The following PCDH15 variants were observed in gnomAD, a reference collection of about 807,000 sequenced individuals.
PCDH15 encodes the protein protocadherin related 15, also known as protocadherin-15.
In PCDH15, 129 loss-of-function variants were observed where a neutral mutation model predicts 178.5. That is an observed-to-expected ratio of 0.72 (90% CI 0.63 to 0.84). The LOEUF is 0.84. PCDH15 is among the 40% of genes least tolerant of loss of function. The pLI is 0.00. For synonymous variants in PCDH15, 800 were observed against 732.0 expected, an observed-to-expected ratio of 1.09 and a Z score of -1.50; for missense variants, 2,230 against 2,099.9, an observed-to-expected ratio of 1.06 and a Z score of -1.21.
chr10:54,228,026 C>T (rs2053639384), intron 9 of PCDH15, among the ~76,000 whole-genome samples: 2 of 152,140 alleles, frequency 1.3e-5, no homozygotes, highest in Non-Finnish European at 2.9e-5. Context: ...TCGCATCTTC[C>T]TATCTTCTAC....
At chr10:53,860,287 C>G (rs368301025) in intron 27 of PCDH15, among the ~76,000 whole-genome samples, 8 of 152,260 alleles carry the variant, frequency 5.3e-5, no homozygotes, top group African/African-American at 1.7e-4. Flanking sequence ...TGGGAACACA[C>G]AGTCGATTTC....
chr10:55,047,726 C>T (rs553988163), intron 2 of PCDH15, among the ~76,000 whole-genome samples: 1 of 151,572 alleles, frequency 6.6e-6, no homozygotes, highest in South Asian at 2.1e-4. Context: ...CCCCTACTTT[C>T]CAAAAAAATA....
intron 15 of PCDH15, among the ~76,000 whole-genome samples, chr10:54,107,412 T>A (rs1460626065): frequency 4.6e-5 from 7 of 152,222 alleles, no homozygotes; most frequent in African/African-American, 7.2e-5. Context: ...GGGTATGGGC[T>A]GTGGTCTGGT....
intron 3 of PCDH15, among the ~76,000 whole-genome samples, chr10:54,429,958 A>G (rs1253210812): frequency 6.6e-6 from 1 of 152,078 alleles, no homozygotes; most frequent in Non-Finnish European, 1.5e-5. Flanking sequence ...GAGACATTAG[A>G]CATAATCTGC....
intron 19 of PCDH15, among the ~76,000 whole-genome samples, chr10:54,022,276 T>C (rs897133890): frequency 1.3e-5 from 2 of 152,054 alleles, no homozygotes; most frequent in Admixed American, 6.6e-5. Context: ...AGAGGCTTGA[T>C]ACAGAGATGT....
intron 2 of PCDH15, among the ~76,000 whole-genome samples, chr10:54,648,196 T>C (rs1053655519): frequency 1.8e-4 from 27 of 152,258 alleles, no homozygotes; most frequent in African/African-American, 6.3e-4. Flanking sequence ...AGAAGGAATG[T>C]TGTCCAGTGA....
At chr10:54,217,946 T>C (rs75939130) in intron 9 of PCDH15, among the ~76,000 whole-genome samples, 4,388 of 152,222 alleles carry the variant, frequency 0.029, 92 homozygotes, top group Middle Eastern at 0.071. Context: ...AAGCTAAAGA[T>C]AAGACAATTT....
At chr10:55,052,953 T>C (rs1349272514) in intron 2 of PCDH15, among the ~76,000 whole-genome samples, 1 of 152,108 alleles carries the variant, frequency 6.6e-6, no homozygotes, top group African/African-American at 2.4e-5. Context: ...AAGACTGAAA[T>C]TGAACATTTC....
chr10:54,398,801 C>T (rs1280813567), intron 3 of PCDH15, among the ~76,000 whole-genome samples: 1 of 151,944 alleles, frequency 6.6e-6, no homozygotes, highest in Non-Finnish European at 1.5e-5. Context: ...TGCAGACAAC[C>T]AAGTATCCGG....
chr10:55,015,639 T>C (rs1840156068), intron 2 of PCDH15, among the ~76,000 whole-genome samples: 1 of 152,074 alleles, frequency 6.6e-6, no homozygotes, highest in Admixed American at 6.6e-5. Flanking sequence ...TAAAACTGGG[T>C]AATTTATGAA....
Position 54,473,890 on chromosome 10 carries a change from G to A in PCDH15, c.157+53922C>T, listed in dbSNP as rs545365044. Reference sequence around the variant, plus strand: ...TCCAAATTCCATTAGATTTTCTAAAGTATTATATATTTTGTTATTTTTAAA... The same window carrying A: ...TCCAAATTCCATTAGATTTTCTAAAATATTATATATTTTGTTATTTTTAAA... On this transcript the variant is annotated intron_variant, in intron 3 of 37. Coordinates refer to ENST00000644397, the MANE Select transcript of PCDH15 (RefSeq NM_001384140.1). Among the ~76,000 whole-genome samples the A allele has an allele frequency of 1.7e-3, 261 of 151,724 alleles. 2 individuals are homozygous for A. The highest frequency in any genetic ancestry group is 3.8e-3 in the Middle Eastern group (1 of 262).
intron 18 of PCDH15, among the ~76,000 whole-genome samples, chr10:54,062,680 T>C (rs1036362380): frequency 8.6e-5 from 13 of 151,924 alleles, no homozygotes; most frequent in African/African-American, 2.9e-4. Context: ...TGAAATAAAT[T>C]ATAGAGGCCA....
chr10:54,071,766 CA>C, intron 17 of PCDH15, among the ~76,000 whole-genome samples: 1 of 152,034 alleles, frequency 6.6e-6, no homozygotes, highest in East Asian at 1.9e-4. Context: ...GGTAAGGTAA[CA>C]CTATAATTAT....
chr10:53,957,122 C>A (rs556479812), intron 23 of PCDH15, among the ~76,000 whole-genome samples: 1 of 152,140 alleles, frequency 6.6e-6, no homozygotes, highest in Non-Finnish European at 1.5e-5. Context: ...AAACAGTACA[C>A]CACTTAAGTT....
intron 5 of PCDH15, among the ~76,000 whole-genome samples, chr10:54,359,278 A>T (rs1418734293): frequency 6.6e-6 from 1 of 151,962 alleles, no homozygotes; most frequent in African/African-American, 2.4e-5. Flanking sequence ...AAAAAAAAAC[A>T]AAAACTAAAA....
chr10:54,195,099 G>A (rs2049471780), intron 11 of PCDH15, among the ~76,000 whole-genome samples: 1 of 152,066 alleles, frequency 6.6e-6, no homozygotes, highest in African/African-American at 2.4e-5. Context: ...CATTCACTCT[G>A]GCTAAGGAGG....
chr10:55,511,388 A>G (rs1359203823), intron 2 of PCDH15, among the ~76,000 whole-genome samples: 5 of 152,052 alleles, frequency 3.3e-5, no homozygotes, highest in African/African-American at 1.2e-4. Flanking sequence ...AGTGACCACC[A>G]TAGAGAAGAA....
chr10:55,564,822 T>A (rs1278977963), intron 2 of PCDH15, among the ~76,000 whole-genome samples: 1 of 151,672 alleles, frequency 6.6e-6, no homozygotes, highest in Non-Finnish European at 1.5e-5. Flanking sequence ...CTATAATAAA[T>A]ATCAACATGT....
chr10:54,900,498 A>G (rs1954621223), intron 2 of PCDH15, among the ~76,000 whole-genome samples: 1 of 152,208 alleles, frequency 6.6e-6, no homozygotes, highest in African/African-American at 2.4e-5. Flanking sequence ...GATAAAAGTT[A>G]AACTTGTTTG....
Sources: allele counts gnomAD v4.1 joint callset (sites outside exome capture counted in the v4.1 genomes callset), GRCh38; gene constraint gnomAD v4.1.1; transcripts MANE v1.5; gene names NCBI Gene and HGNC (gene_info 2026-07-23, HGNC 2026-07-21).